Variants in EPHA6 observed in about 807,000 individuals in gnomAD.
EPHA6 encodes ephrin type-A receptor 6.
Under a neutral mutation model 112.0 loss-of-function variants are expected in EPHA6, and 50 were observed. The ratio of observed to expected loss-of-function variants is 0.45; its 90% confidence interval spans 0.36 to 0.56. The LOEUF (loss-of-function observed/expected upper bound fraction) is 0.56. Ranked by LOEUF, EPHA6 falls within the 20% of genes least tolerant of loss-of-function variation. EPHA6 has a pLI of 0.00. For synonymous variants in EPHA6, 529 were observed against 490.7 expected (o/e 1.08, Z -1.03); for missense variants, 1,280 against 1,417.4 (o/e 0.90, Z 1.56).
At chr3:97,141,398 G>A (rs1466516501) in intron 3 of EPHA6, among the ~76,000 whole-genome samples, 2 of 151,920 alleles carry the variant, frequency 1.3e-5, no homozygotes. Context: ...ACCTGTGCAT[G>A]GAAGATTCTC....
At chr3:97,120,209 A>G (rs1237393403) in intron 3 of EPHA6, among the ~76,000 whole-genome samples, 3 of 151,980 alleles carry the variant, frequency 2.0e-5, no homozygotes, top group African/African-American at 7.2e-5. Context: ...TTTTAATTTC[A>G]TAAAAATTAG....
chr3:97,485,779 G>A (rs2091684437), intron 10 of EPHA6, among the ~76,000 whole-genome samples: 1 of 152,174 alleles, frequency 6.6e-6, no homozygotes, highest in African/African-American at 2.4e-5. Context: ...GAAGAGAGGA[G>A]GTTGGATAAT....
At chr3:97,129,580 G>A (rs947982914) in intron 3 of EPHA6, among the ~76,000 whole-genome samples, 4 of 151,342 alleles carry the variant, frequency 2.6e-5, no homozygotes, top group African/African-American at 9.7e-5. Context: ...ATGCATTACT[G>A]TTAAAAACAA....
At position 97,412,468 on chromosome 3, in the gene EPHA6, G is replaced by A. The variant is rs550194157; in HGVS notation, c.1731+7194G>A. On this transcript the variant is annotated intron_variant, in intron 6 of 17. Transcript: ENST00000389672. ...AATTCCATGTCTTTATCTCTTTTTC[G>A]ATGAGGTTGGAATAAATAATCTAAG... Among the ~76,000 whole-genome samples the A allele has an allele frequency of 5.9e-5, 9 of 151,808 alleles. No individual in the cohort carries two copies. In the South Asian group the frequency reaches 1.2e-3, roughly 21 times the overall value.
chr3:97,364,765 A>G (rs934217925), intron 5 of EPHA6, among the ~76,000 whole-genome samples: 1 of 152,172 alleles, frequency 6.6e-6, no homozygotes, highest in Non-Finnish European at 1.5e-5. Context: ...TTTACTTTTA[A>G]AAGTACATTT....
intron 2 of EPHA6, among the ~76,000 whole-genome samples, chr3:96,922,931 G>A: frequency 6.6e-6 from 1 of 152,046 alleles, no homozygotes; most frequent in East Asian, 1.9e-4. Context: ...GTGTTAGTTT[G>A]CTTCCAATTC....
At chr3:96,818,936 A>G (rs2107206843) in intron 1 of EPHA6, among the ~76,000 whole-genome samples, 1 of 152,050 alleles carries the variant, frequency 6.6e-6, no homozygotes, top group South Asian at 2.1e-4. Flanking sequence ...TTTATTATAC[A>G]TTTACAATAT....
intron 3 of EPHA6, among the ~76,000 whole-genome samples, chr3:97,014,925 C>T (rs2044214262): frequency 6.6e-6 from 1 of 152,128 alleles, no homozygotes. Context: ...AGAAGATTAG[C>T]ATATCAAGGT....
intron 5 of EPHA6, among the ~76,000 whole-genome samples, chr3:97,256,081 A>G (rs932696775): frequency 6.6e-6 from 1 of 152,150 alleles, no homozygotes; most frequent in Non-Finnish European, 1.5e-5. Context: ...TGAAGAGTTA[A>G]AATTTTAATG....
At chr3:97,567,286 A>C (rs2093278502) in intron 11 of EPHA6, among the ~76,000 whole-genome samples, 1 of 152,208 alleles carries the variant, frequency 6.6e-6, no homozygotes, top group South Asian at 2.1e-4. Context: ...TTGAAGAACA[A>C]AAAAAACTTG....
chr3:97,174,626 A>C (rs1217529039), intron 3 of EPHA6, among the ~76,000 whole-genome samples: 1 of 151,798 alleles, frequency 6.6e-6, no homozygotes, highest in Non-Finnish European at 1.5e-5. Context: ...AGTAGTTTTT[A>C]TTTGCATTTC....
intron 2 of EPHA6, among the ~76,000 whole-genome samples, chr3:96,896,386 T>A (rs2038270052): frequency 6.6e-6 from 1 of 152,224 alleles, no homozygotes; most frequent in Admixed American, 6.5e-5. Context: ...GTTTGCAGAC[T>A]GCACAGCACT....
At chr3:97,379,372 A>G (rs2085573352) in intron 5 of EPHA6, among the ~76,000 whole-genome samples, 1 of 152,174 alleles carries the variant, frequency 6.6e-6, no homozygotes, top group South Asian at 2.1e-4. Context: ...GAAATAACAT[A>G]TACATAATTG....
At chr3:97,596,066 C>G (rs911462886) in intron 12 of EPHA6, among the ~76,000 whole-genome samples, 2 of 151,952 alleles carry the variant, frequency 1.3e-5, no homozygotes, top group African/African-American at 4.8e-5. Flanking sequence ...CCACCGCTCC[C>G]GGCTAATTTT....
intron 3 of EPHA6, among the ~76,000 whole-genome samples, chr3:97,134,672 AG>A (rs2075725600): frequency 6.6e-6 from 1 of 152,190 alleles, no homozygotes; most frequent in Admixed American, 6.5e-5. Context: ...ATCTCATTAG[AG>A]AAAAAACTAG....
intron 6 of EPHA6, among the ~76,000 whole-genome samples, chr3:97,442,908 A>G (rs1001966696): frequency 1.3e-5 from 2 of 152,126 alleles, no homozygotes; most frequent in Non-Finnish European, 2.9e-5. Flanking sequence ...TCCCAGAGCC[A>G]TGTGAAATAT....
chr3:97,393,162 C>T (rs1169232981), intron 5 of EPHA6, among the ~76,000 whole-genome samples: 1 of 151,824 alleles, frequency 6.6e-6, no homozygotes, highest in Non-Finnish European at 1.5e-5. Flanking sequence ...ATAGCCTATG[C>T]TAAATTCCTA....
chr3:96,817,879 C>G (rs536356123), intron 1 of EPHA6, among the ~76,000 whole-genome samples: 1 of 151,980 alleles, frequency 6.6e-6, no homozygotes, highest in East Asian at 1.9e-4. Flanking sequence ...TAGAAAGGAT[C>G]TCTTCTCTTG....
chr3:96,958,154 G>C lies in EPHA6; in HGVS notation c.451-29176G>C, dbSNP rs2041829706. Among the ~76,000 whole-genome samples the C allele has an allele frequency of 3.3e-5, 5 of 152,122 alleles. No individual in the cohort carries two copies. The South Asian group carries it at 1.0e-3, about 32-fold the overall frequency. On this transcript the variant is annotated intron_variant, in intron 2 of 17. Coordinates refer to ENST00000389672, the MANE Select transcript of EPHA6 (RefSeq NM_001080448.3). ...AAAAATACAAAATTAGCCAGGCGTG[G>C]CGGGGCATGCCTGTATTCCCAGCTA...
Sources: gnomAD v4.1 joint callset for allele counts (sites outside exome capture counted in the v4.1 genomes callset) on GRCh38, gnomAD v4.1.1 for gene constraint, MANE v1.5 for transcripts, NCBI Gene and HGNC (gene_info 2026-07-23, HGNC 2026-07-21) for gene names.